CCBE1: variants seen among roughly 807,000 people sequenced by gnomAD.
CCBE1 encodes the protein collagen and calcium binding EGF domains 1.
A neutral mutation model predicts 50.0 loss-of-function variants in CCBE1; 37 were observed. That is an observed-to-expected ratio of 0.74 (90% CI 0.57 to 0.97). The LOEUF (loss-of-function observed/expected upper bound fraction) is 0.97, where lower values mean the gene tolerates loss of function less well. CCBE1 is among the 50% of genes least tolerant of loss of function. The pLI, the probability that CCBE1 is intolerant of heterozygous loss-of-function variation, is 0.00. For missense variants in CCBE1, 538 were observed against 523.8 expected, an observed-to-expected ratio of 1.03 and a Z score of -0.26; for synonymous variants, 234 against 203.7, an observed-to-expected ratio of 1.15 and a Z score of -1.27.
intron 2 of CCBE1, among the ~76,000 whole-genome samples, chr18:59,567,263 ATACCCAGCTACCC>A (rs2052844668): frequency 6.6e-6 from 1 of 151,672 alleles, no homozygotes; most frequent in Non-Finnish European, 1.5e-5. Context: ...GGAGGCTACC[ATACCCAGCTACCC>A]TACCCACCAC....
intron 5 of CCBE1, among the ~76,000 whole-genome samples, chr18:59,465,926 C>T (rs1312107007): frequency 6.6e-6 from 1 of 152,074 alleles, no homozygotes; most frequent in Non-Finnish European, 1.5e-5. Context: ...TCCTCCAGTA[C>T]ACACTAGCTT....
intron 2 of CCBE1, among the ~76,000 whole-genome samples, chr18:59,482,658 G>T (rs1302421060): frequency 6.6e-6 from 1 of 152,124 alleles, no homozygotes; most frequent in Non-Finnish European, 1.5e-5. Context: ...GACCTATATG[G>T]TTATAAAGTC....
At chr18:59,630,167 C>T (rs187542537) in intron 2 of CCBE1, among the ~76,000 whole-genome samples, 106 of 152,200 alleles carry the variant, frequency 7.0e-4, no homozygotes, top group African/African-American at 2.5e-3. Context: ...CTTTGACCTC[C>T]GCCTCATGCT....
chr18:59,602,924 C>G lies in CCBE1; in HGVS notation c.212+93705G>C, dbSNP rs539134553. On this transcript the variant is annotated intron_variant, in intron 2 of 10. Coordinates refer to ENST00000439986, the MANE Select transcript of CCBE1 (RefSeq NM_133459.4). ...AGCTTCACATGCACAGGCTCTGCAC[C>G]CTTGGATAACTTGCTAAGCCTCTGT... Among the ~76,000 whole-genome samples the G allele has an allele frequency of 4.6e-5, 7 of 152,322 alleles. No homozygotes were observed. The South Asian group carries it at 1.0e-3, about 23-fold the overall frequency.
intron 2 of CCBE1, among the ~76,000 whole-genome samples, chr18:59,611,572 C>A (rs757734249): frequency 2.2e-4 from 34 of 152,102 alleles, no homozygotes; most frequent in Non-Finnish European, 4.0e-4. Context: ...TGGCGAAACC[C>A]CATCTGTACT....
rs376017036 is a variant in CCBE1 at position 59,495,090 on chromosome 18, C to T, written c.213-14852G>A. Reference sequence around the variant, plus strand: ...TGGGAGGCGAAGGTTGCAGTGAGCCCGAGATCACACCACTGCACTCCAGCC... The same window carrying T: ...TGGGAGGCGAAGGTTGCAGTGAGCCTGAGATCACACCACTGCACTCCAGCC... On this transcript the variant is annotated intron_variant, in intron 2 of 10. Coordinates refer to ENST00000439986, the MANE Select transcript of CCBE1 (RefSeq NM_133459.4). Among the ~76,000 whole-genome samples the T allele has an allele frequency of 1.8e-4, 27 of 151,768 alleles. 1 individual carries two copies. In the South Asian group the frequency reaches 2.9e-3, roughly 16 times the overall value.
intron 2 of CCBE1, among the ~76,000 whole-genome samples, chr18:59,691,680 A>T (rs1303976275): frequency 6.6e-6 from 1 of 152,226 alleles, no homozygotes; most frequent in Non-Finnish European, 1.5e-5. Context: ...CTGGGATTAC[A>T]GGCGTGAGCC....
chr18:59,571,516 T>C (rs2052914781), intron 2 of CCBE1, among the ~76,000 whole-genome samples: 1 of 149,198 alleles, frequency 6.7e-6, no homozygotes, highest in African/African-American at 2.5e-5. Flanking sequence ...TTAGGAGATA[T>C]ATCTAATGTA....
chr18:59,542,647 T>C (rs1032516776), intron 2 of CCBE1, among the ~76,000 whole-genome samples: 1 of 152,174 alleles, frequency 6.6e-6, no homozygotes, highest in African/African-American at 2.4e-5. Flanking sequence ...ATTTATATAA[T>C]AGTGCTGGGA....
Position 59,433,609 on chromosome 18 carries a change from A to AT in CCBE1, c.*2298dup, listed in dbSNP as rs35448271. 0.77 allele frequency: 111,385 copies of AT among 144,482 alleles called. 42,953 individuals carry two copies. Among genetic ancestry groups the AT allele is most frequent in the South Asian group, 0.89 (4,076 of 4,564 alleles). 9.0% of individuals were successfully genotyped at this position (144,482 alleles called of 1,614,324 possible). A position where few individuals can be genotyped will look rare whatever the true frequency, so the allele number is the denominator to read the frequency against. ...GGCATTCAAACACAACAAAAGGGAT[A>AT]TTTTTTTTTTTTTGAGACAGAGTCT... On this transcript the variant is annotated 3_prime_UTR_variant, in exon 11 of 11. Transcript: ENST00000439986.
At chr18:59,530,711 G>A (rs1174556754) in intron 2 of CCBE1, among the ~76,000 whole-genome samples, 1 of 152,164 alleles carries the variant, frequency 6.6e-6, no homozygotes, top group Non-Finnish European at 1.5e-5. Flanking sequence ...GGAAAATCTG[G>A]CTTTAGCTAT....
At chr18:59,442,928 C>G (rs1910500255) in intron 7 of CCBE1, among the ~76,000 whole-genome samples, 1 of 152,090 alleles carries the variant, frequency 6.6e-6, no homozygotes, top group East Asian at 1.9e-4. Flanking sequence ...CTAACTGCTC[C>G]CCTGCCCAGC....
intron 6 of CCBE1, among the ~76,000 whole-genome samples, chr18:59,453,818 C>T (rs1000143950): frequency 6.6e-6 from 1 of 152,144 alleles, no homozygotes; most frequent in Non-Finnish European, 1.5e-5. Context: ...GACAAACTAG[C>T]GAATTGAGCA....
intron 2 of CCBE1, among the ~76,000 whole-genome samples, chr18:59,499,006 G>A (rs1913486604): frequency 6.6e-6 from 1 of 152,186 alleles, no homozygotes; most frequent in African/African-American, 2.4e-5. Context: ...AGCAAATAGT[G>A]CCATGTGATT....
At chr18:59,586,778 G>A (rs994708354) in intron 2 of CCBE1, among the ~76,000 whole-genome samples, 3 of 152,130 alleles carry the variant, frequency 2.0e-5, no homozygotes, top group Non-Finnish European at 4.4e-5. Flanking sequence ...CACATAAGAT[G>A]ATTTCACATA....
intron 2 of CCBE1, among the ~76,000 whole-genome samples, chr18:59,551,032 AAAGAAAAG>A (rs1468132252): frequency 7.9e-4 from 116 of 146,782 alleles, no homozygotes; most frequent in African/African-American, 2.8e-3. Flanking sequence ...AAAAAAAAGA[AAAGAAAAG>A]AAAAGAAAAA....
intron 2 of CCBE1, among the ~76,000 whole-genome samples, chr18:59,528,093 C>T (rs1274987375): frequency 6.6e-6 from 1 of 152,174 alleles, no homozygotes; most frequent in African/African-American, 2.4e-5. Context: ...GCTCTGTTCT[C>T]CCCTTCTCTT....
chr18:59,446,712 C>G (rs1410581503), intron 7 of CCBE1, among the ~76,000 whole-genome samples: 1 of 152,224 alleles, frequency 6.6e-6, no homozygotes, highest in African/African-American at 2.4e-5. Flanking sequence ...ATGTCCAGAT[C>G]AAACCTAAAT....
intron 2 of CCBE1, among the ~76,000 whole-genome samples, chr18:59,658,879 CAAAAAAAAAAA>C (rs61226521): frequency 5.5e-5 from 3 of 54,732 alleles, no homozygotes; most frequent in East Asian, 6.2e-4. Flanking sequence ...GACTCTGTCT[CAAAAAAAAAAA>C]AAAAAAAAAA....
Sources: allele counts gnomAD v4.1 joint callset (sites outside exome capture counted in the v4.1 genomes callset), GRCh38; gene constraint gnomAD v4.1.1; transcripts MANE v1.5; gene names NCBI Gene and HGNC (gene_info 2026-07-23, HGNC 2026-07-21).